The following ADAMTSL1 variants were observed in gnomAD, a reference collection of about 807,000 sequenced individuals.
The protein encoded by ADAMTSL1 is ADAMTS like 1.
In ADAMTSL1, 126 loss-of-function variants were observed where a neutral mutation model predicts 201.8. The ratio of observed to expected loss-of-function variants is 0.62; its 90% CI spans 0.54 to 0.72. The LOEUF is 0.72. Ranked by LOEUF, ADAMTSL1 falls within the 30% of genes least tolerant of loss-of-function variation. The probability of loss-of-function intolerance (pLI) is 0.00; values close to 1 mark genes in which losing one functional copy is unlikely to be tolerated. For synonymous variants in ADAMTSL1, 1,121 were observed against 903.4 expected (o/e 1.24, Z -4.32); for missense variants, 2,679 against 2,277.8 (o/e 1.18, Z -3.59).
At chr9:18,497,290 A>G (rs1442438702) in intron 1 of ADAMTSL1, among the ~76,000 whole-genome samples, 1 of 152,166 alleles carries the variant, frequency 6.6e-6, no homozygotes, top group Non-Finnish European at 1.5e-5. Flanking sequence ...ATTTTTTTAA[A>G]TGACTGTAGT....
At chr9:18,131,606 T>G (rs1489890243) in intron 1 of ADAMTSL1, among the ~76,000 whole-genome samples, 1 of 152,220 alleles carries the variant, frequency 6.6e-6, no homozygotes, top group African/African-American at 2.4e-5. Flanking sequence ...TTCCATAGAC[T>G]GACAAGGACC....
intron 1 of ADAMTSL1, among the ~76,000 whole-genome samples, chr9:17,958,606 C>A (rs1828018890): frequency 6.6e-6 from 1 of 152,114 alleles, no homozygotes; most frequent in Non-Finnish European, 1.5e-5. Context: ...CGTTAATTAG[C>A]TTCCATTTCT....
At chr9:18,445,751 C>T (rs543234486) in intron 2 of ADAMTSL1, among the ~76,000 whole-genome samples, 3 of 151,916 alleles carry the variant, frequency 2.0e-5, no homozygotes, top group Non-Finnish European at 4.4e-5. Flanking sequence ...TTTTAGTTTA[C>T]CTTTACTTGA....
At chr9:18,525,634 G>A (rs1818989750) in intron 2 of ADAMTSL1, among the ~76,000 whole-genome samples, 1 of 152,082 alleles carries the variant, frequency 6.6e-6, no homozygotes, top group African/African-American at 2.4e-5. Flanking sequence ...AGAGATTCTG[G>A]TATGTTGTGT....
chr9:18,055,055 C>T (rs1224833014), intron 1 of ADAMTSL1, among the ~76,000 whole-genome samples: 2 of 152,180 alleles, frequency 1.3e-5, no homozygotes, highest in Non-Finnish European at 2.9e-5. Context: ...GCCTGCAGCT[C>T]TGCCACAGCA....
chr9:18,460,028 G>C (rs1019207963), intron 2 of ADAMTSL1, among the ~76,000 whole-genome samples: 3 of 152,106 alleles, frequency 2.0e-5, no homozygotes, highest in Admixed American at 6.6e-5. Context: ...ATAGTAACAG[G>C]AAAACCTACT....
intron 2 of ADAMTSL1, among the ~76,000 whole-genome samples, chr9:18,213,251 C>T (rs1829944514): frequency 6.6e-6 from 1 of 152,166 alleles, no homozygotes; most frequent in Admixed American, 6.5e-5. Context: ...CAGTGAGATT[C>T]TTGTTCTTTC....
chr9:18,876,750 A>G (rs1049904793), intron 23 of ADAMTSL1, among the ~76,000 whole-genome samples: 8 of 152,184 alleles, frequency 5.3e-5, no homozygotes, highest in African/African-American at 1.2e-4. Flanking sequence ...TCTTTTTGCA[A>G]TTAATTTCCT....
Position 18,647,004 on chromosome 9 carries a change from G to C in ADAMTSL1, c.834+7593G>C, listed in dbSNP as rs184429003. On this transcript the variant is annotated intron_variant, in intron 7 of 28. Coordinates refer to ENST00000380548, the MANE Select transcript of ADAMTSL1 (RefSeq NM_001040272.6). The stretch of plus-strand genomic sequence containing the variant: ...TGTACCTCTGGTAAAATTTGGCTGT[G>C]AATCCATCTGGTCCTGGACTCTTTT... 2.5e-3 allele frequency among the ~76,000 whole-genome samples: 375 copies of C among 152,220 alleles called. 2 individuals are homozygous for C. Among genetic ancestry groups the C allele is most frequent in the African/African-American group, 8.6e-3 (356 of 41,528 alleles).
chr9:18,359,837 C>CCCCCCCCCCA (rs557711954), intron 2 of ADAMTSL1, among the ~76,000 whole-genome samples: 1 of 122,634 alleles, frequency 8.2e-6, no homozygotes, highest in African/African-American at 2.8e-5. Context: ...GCCCCCCCGC[C>CCCCCCCCCCA]CACACAAAAT....
intron 2 of ADAMTSL1, among the ~76,000 whole-genome samples, chr9:18,205,951 G>C (rs1829631732): frequency 1.3e-5 from 2 of 149,928 alleles, no homozygotes; most frequent in South Asian, 4.2e-4. Flanking sequence ...CTACTTGGGA[G>C]GCTGAGGCAG....
At chr9:18,601,454 T>G (rs1374787969) in intron 4 of ADAMTSL1, among the ~76,000 whole-genome samples, 1 of 152,206 alleles carries the variant, frequency 6.6e-6, no homozygotes, top group Admixed American at 6.5e-5. Context: ...TGACTCTTTC[T>G]GTCTCCAGCC....
chr9:18,465,141 A>C (rs1032777395), intron 2 of ADAMTSL1, among the ~76,000 whole-genome samples: 9 of 152,324 alleles, frequency 5.9e-5, no homozygotes, highest in African/African-American at 2.2e-4. Context: ...CTGGCCGTTA[A>C]TCAAAGCCAG....
rs114105827 is a variant in ADAMTSL1 at position 18,232,826 on chromosome 9, A to G, written c.207+68845A>G. On this transcript the variant is annotated intron_variant, in intron 2 of 29. Coordinates refer to the ADAMTSL1 transcript ENST00000680146. ...ATCCTGCTCAAGTGTAGTAACTGGTACAAAAGGCACTCTGGTTATGAACAA... is the reference window on the plus strand; with the variant it reads ...ATCCTGCTCAAGTGTAGTAACTGGTGCAAAAGGCACTCTGGTTATGAACAA... 2.2e-3 allele frequency among the ~76,000 whole-genome samples: 330 copies of G among 152,336 alleles called. 4 individuals are homozygous for G. The highest frequency in any genetic ancestry group is 5.8e-3 in the African/African-American group (243 of 41,590).
At chr9:18,281,039 C>T (rs1357485325) in intron 2 of ADAMTSL1, among the ~76,000 whole-genome samples, 1 of 152,002 alleles carries the variant, frequency 6.6e-6, no homozygotes, top group African/African-American at 2.4e-5. Context: ...CTACGCCTGA[C>T]TAATCTTTAA....
At chr9:18,440,472 C>T (rs527255659) in intron 2 of ADAMTSL1, among the ~76,000 whole-genome samples, 86 of 151,780 alleles carry the variant, frequency 5.7e-4, no homozygotes, top group African/African-American at 1.9e-3. Flanking sequence ...GCACAAGACA[C>T]TGCAATCAGC....
chr9:18,777,742 A>C lies in ADAMTSL1; in HGVS notation c.3513A>C (p.Ser1171=), dbSNP rs4977426. 7.4e-6 allele frequency: 12 copies of C among 1,613,070 alleles called. No individual in the cohort carries two copies. Among genetic ancestry groups the C allele is most frequent in the South Asian group, 1.1e-5 (1 of 91,014 alleles). The change falls in exon 19 of 29, where the codon TCA becomes TCC. Residue 1171 remains serine (S), a synonymous_variant. Transcript: ENST00000380548. The part of the protein sequence containing the change: ...HRKPTILRKI[S]AAQQLSASEV... ...AGCCCACCATCCTGCGCAAGATCTC[A>C]GCGGCCCAGCAGCTCTCAGCCTCGG... is the stretch of plus-strand genomic sequence containing the variant.
At chr9:17,968,933 G>T (rs1175532772) in intron 1 of ADAMTSL1, among the ~76,000 whole-genome samples, 1 of 151,978 alleles carries the variant, frequency 6.6e-6, no homozygotes, top group East Asian at 1.9e-4. Context: ...GTTTTTAATT[G>T]CATCGACCCA....
intron 19 of ADAMTSL1, among the ~76,000 whole-genome samples, chr9:18,780,549 G>A (rs1821336458): frequency 6.6e-6 from 1 of 152,012 alleles, no homozygotes; most frequent in Non-Finnish European, 1.5e-5. Context: ...GTAATAAAAG[G>A]GCTATAAAAC....
Sources: allele counts gnomAD v4.1 joint callset (sites outside exome capture counted in the v4.1 genomes callset), GRCh38; gene constraint gnomAD v4.1.1; transcripts MANE v1.5; gene names NCBI Gene and HGNC (gene_info 2026-07-23, HGNC 2026-07-21).